Variants in TRMT9B observed in about 807,000 individuals in gnomAD.
TRMT9B encodes probable tRNA methyltransferase 9B.
TRMT9B carries 16 observed loss-of-function variants against 11.5 expected under a neutral mutation model. The ratio of observed to expected loss-of-function variants is 1.39; its 90% CI spans 0.94 to 2.11. The LOEUF (loss-of-function observed/expected upper bound fraction) is 2.11, where lower values mean the gene tolerates loss of function less well. Ranked by LOEUF, TRMT9B falls within the 30% of genes most tolerant of loss-of-function variation. The pLI is 0.00. For synonymous variants in TRMT9B, 274 were observed against 192.4 expected (o/e 1.42, Z -3.51); for missense variants, 941 against 553.8 (o/e 1.70, Z -7.02).
intron 1 of TRMT9B, among the ~76,000 whole-genome samples, chr8:12,982,622 A>C (rs2128873902): frequency 6.6e-6 from 1 of 152,144 alleles, no homozygotes; most frequent in South Asian, 2.1e-4. Context: ...AGATTGCGCC[A>C]CTGCACTCCA....
intron 1 of TRMT9B, among the ~76,000 whole-genome samples, chr8:12,974,021 A>G (rs1055378349): frequency 1.3e-4 from 20 of 152,210 alleles, no homozygotes; most frequent in African/African-American, 3.6e-4. Context: ...TTTTTTTTTA[A>G]AAAGCTAGGC....
intron 2 of TRMT9B, among the ~76,000 whole-genome samples, chr8:12,993,725 A>G (rs1807812820): frequency 6.6e-6 from 1 of 152,212 alleles, no homozygotes. Context: ...ATTTGTGATG[A>G]GTCCTGTTGG....
intron 3 of TRMT9B, chr8:13,010,902 C>A: frequency 1.1e-6 from 1 of 951,666 alleles, no homozygotes; most frequent in African/African-American, 1.8e-5. Flanking sequence ...TTATTGGGAA[C>A]AGTGTGGCTA....
In TRMT9B at chr8:12,994,140, A is replaced by G. The variant is rs181305644; in HGVS notation, c.-2+3109A>G. On this transcript the variant is annotated intron_variant, in intron 2 of 4. Coordinates refer to ENST00000524591, the MANE Select transcript of TRMT9B (RefSeq NM_020844.3). ...GTCTGAGAGAGGTGCAGTTCCCCAA[A>G]GGAACAGAGGATAAACAGAAGCTTT... Among the ~76,000 whole-genome samples, 47 of 152,312 alleles carry G rather than the reference A, an allele frequency of 3.1e-4. No individual in the cohort carries two copies. The East Asian group carries it at 5.0e-3, about 16-fold the overall frequency.
In TRMT9B at chr8:13,021,589, G is replaced by A. The variant is rs1216756033; in HGVS notation, c.910G>A (p.Gly304Arg). 1.2e-6 allele frequency: 2 copies of A among 1,613,784 alleles called. No individual in the cohort carries two copies. Among genetic ancestry groups the A allele is most frequent in the Admixed American group, 1.7e-5 (1 of 59,992 alleles). Residue 304 changes from glycine to arginine, a missense_variant, in exon 5 of 5, where the codon GGG (glycine) becomes AGG (arginine). Physicochemically the swap from Gly to Arg is moderately radical, Grantham distance 125. Transcript: ENST00000524591. ...TCACCAAGAGCCATTTTCAACAAAA[G>A]GGCAAAGTTTAGATGAGGAAGTGTT... ...FDHQEPFSTK[G>R]QSLDEEVFVE...
chr8:12,977,851 CA>C (rs113801109), intron 1 of TRMT9B, among the ~76,000 whole-genome samples: 1 of 140,192 alleles, frequency 7.1e-6, no homozygotes, highest in African/African-American at 2.5e-5. Context: ...CCTATCTCTA[CA>C]AAAAAAAAAG....
intron 2 of TRMT9B, among the ~76,000 whole-genome samples, chr8:13,003,824 C>G (rs530249556): frequency 2.5e-4 from 38 of 150,264 alleles, no homozygotes; most frequent in African/African-American, 9.0e-4. Flanking sequence ...AAAAAAGCAC[C>G]TACATAAGAA....
chr8:12,975,515 T>A (rs1804308124), intron 1 of TRMT9B, among the ~76,000 whole-genome samples: 1 of 152,036 alleles, frequency 6.6e-6, no homozygotes, highest in African/African-American at 2.4e-5. Flanking sequence ...GGCAAGCAGA[T>A]CACTTGAGGC....
At chr8:12,982,964 T>G (rs932628029) in intron 1 of TRMT9B, among the ~76,000 whole-genome samples, 1 of 152,158 alleles carries the variant, frequency 6.6e-6, no homozygotes, top group Non-Finnish European at 1.5e-5. Flanking sequence ...ACTAACAAAG[T>G]GTAATAAAAT....
rs1194714312 is a variant in TRMT9B, at chr8:13,024,697, TC to T, written c.*2654del. 3.6e-5 allele frequency: 6 copies of T among 167,198 alleles called. No homozygotes were observed. The East Asian group carries it at 1.2e-3, about 32-fold the overall frequency. 10.4% of individuals were successfully genotyped at this position (167,198 alleles called of 1,614,324 possible). A position where few individuals can be genotyped will look rare whatever the true frequency, so the allele number is the denominator to read the frequency against. The stretch of plus-strand genomic sequence containing the variant: ...GTATGAAAGGGTTCTCTAGAACGGT[TC>T]TTTGGAGAGAAATATTTTCATGTAC... On this transcript the variant is annotated 3_prime_UTR_variant, in exon 5 of 5. Coordinates refer to ENST00000524591, the MANE Select transcript of TRMT9B (RefSeq NM_020844.3).
chr8:13,012,351 C>T (rs1008919319), intron 3 of TRMT9B: 8 of 856,354 alleles, frequency 9.3e-6, no homozygotes, highest in South Asian at 5.1e-5. Context: ...CCGAGGCAGG[C>T]GGATCACCTG....
intron 1 of TRMT9B, among the ~76,000 whole-genome samples, chr8:12,950,851 C>T (rs1029406076): frequency 2.6e-5 from 4 of 152,166 alleles, no homozygotes; most frequent in Non-Finnish European, 5.9e-5. Flanking sequence ...CATAAATAAC[C>T]TGAACTGGAA....
chr8:12,960,443 G>GGACCCATACA (rs1801949331), intron 1 of TRMT9B: 7 of 152,096 alleles, frequency 4.6e-5, no homozygotes, highest in Admixed American at 1.3e-4. Flanking sequence ...TGCTCTCCTT[G>GGACCCATACA]GACTGTACCT....
intron 1 of TRMT9B, among the ~76,000 whole-genome samples, chr8:12,979,031 AAGTGGCC>A (rs1804922949): frequency 6.6e-6 from 1 of 152,170 alleles, no homozygotes. Flanking sequence ...ACATGCAGGA[AAGTGGCC>A]AGTTACAGAC....
rs535211780 is a variant in TRMT9B at position 12,954,512 on chromosome 8, C to T, written c.-200+8546C>T. On this transcript the variant is annotated intron_variant, in intron 1 of 4. Coordinates refer to ENST00000524591, the MANE Select transcript of TRMT9B (RefSeq NM_020844.3). Reference sequence around the variant, plus strand: ...TTTTTAAACAGGAATTGAGTGAAAGCTCTCATTGCGATTAAGCCCCTGGTA... The same window carrying T: ...TTTTTAAACAGGAATTGAGTGAAAGTTCTCATTGCGATTAAGCCCCTGGTA... Among the ~76,000 whole-genome samples the T allele has an allele frequency of 9.3e-4, 142 of 152,322 alleles. 3 individuals carry two copies. Among genetic ancestry groups the T allele is most frequent in the African/African-American group, 3.2e-3 (133 of 41,570 alleles).
In TRMT9B at chr8:13,014,035, A is replaced by C. The variant is rs146813008; in HGVS notation, c.328+1178A>C. On this transcript the variant is annotated intron_variant, in intron 4 of 4. Coordinates refer to ENST00000524591, the MANE Select transcript of TRMT9B (RefSeq NM_020844.3). The stretch of plus-strand genomic sequence containing the variant: ...TTATAAAATGGAGTTATTCATAACA[A>C]AATTGCAGAATAAGATGATTTGCTC... Among the ~76,000 whole-genome samples the C allele has an allele frequency of 2.6e-4, 40 of 152,384 alleles. No individual in the cohort carries two copies. In the East Asian group the frequency reaches 6.2e-3, roughly 23 times the overall value.
chr8:12,971,801 C>T (rs1803674909), intron 1 of TRMT9B, among the ~76,000 whole-genome samples: 1 of 152,102 alleles, frequency 6.6e-6, no homozygotes, highest in South Asian at 2.1e-4. Context: ...TTTTCATGAC[C>T]AAAATTGCTT....
Position 12,970,559 on chromosome 8 carries a change from G to A in TRMT9B, c.-199-20275G>A, listed in dbSNP as rs534766613. Among the ~76,000 whole-genome samples, 6 of 152,352 alleles carry A rather than the reference G, an allele frequency of 3.9e-5. No homozygotes were observed. The East Asian group carries it at 1.2e-3, about 29-fold the overall frequency. On this transcript the variant is annotated intron_variant, in intron 1 of 4. Transcript: ENST00000524591. ...GTCCTACAGATTTACATCAGTGAAAGAGATGAGCCGGCTGTGCTGACCTTT... is the reference window on the plus strand; with the variant it reads ...GTCCTACAGATTTACATCAGTGAAAAAGATGAGCCGGCTGTGCTGACCTTT...
At chr8:13,020,544 A>G (rs1156955787) in intron 4 of TRMT9B, among the ~76,000 whole-genome samples, 1 of 152,230 alleles carries the variant, frequency 6.6e-6, no homozygotes, top group East Asian at 1.9e-4. Flanking sequence ...ATATTTCTGT[A>G]CTTCTCAGCT....
Sources: gnomAD v4.1 joint callset for allele counts (sites outside exome capture counted in the v4.1 genomes callset) on GRCh38, gnomAD v4.1.1 for gene constraint, MANE v1.5 for transcripts, NCBI Gene and HGNC (gene_info 2026-07-23, HGNC 2026-07-21) for gene names.